SYT10: variants seen among roughly 807,000 people sequenced by gnomAD.
SYT10 encodes the protein synaptotagmin 10, also known as synaptotagmin-10.
In SYT10, 31 loss-of-function variants were observed where a neutral mutation model predicts 51.1. The ratio of observed to expected loss-of-function variants is 0.61; its 90% confidence interval spans 0.46 to 0.82. The LOEUF (loss-of-function observed/expected upper bound fraction) is 0.82, where lower values mean the gene tolerates loss of function less well. SYT10 is among the 40% of genes least tolerant of loss of function. SYT10 has a pLI of 0.00. For missense variants in SYT10, 603 were observed against 634.0 expected (o/e 0.95, Z 0.53); for synonymous variants, 233 against 225.9 (o/e 1.03, Z -0.28).
chr12:33,420,539 C>T (rs114147116), intron 2 of SYT10, among the ~76,000 whole-genome samples: 1,625 of 151,948 alleles, frequency 0.011, 33 homozygotes, highest in African/African-American at 0.035. Context: ...GTAGTCCTGG[C>T]AACTTGGGAG....
At chr12:33,387,740 C>G (rs1463361866) in intron 3 of SYT10, among the ~76,000 whole-genome samples, 1 of 135,578 alleles carries the variant, frequency 7.4e-6, no homozygotes, top group Non-Finnish European at 1.5e-5. Flanking sequence ...TCTCTTCCTT[C>G]TAACATGTTT....
rs907374942 is a variant in SYT10 at position 33,374,978 on chromosome 12, T to TTCA, written c.*1851_*1852insTGA. 6.6e-6 allele frequency: 1 copy of TTCA among 152,048 alleles called. No homozygotes were observed. Among genetic ancestry groups the TTCA allele is most frequent in the African/African-American group, 2.4e-5 (1 of 41,440 alleles). The allele number at this position is 152,048 out of a possible 1,614,324, so 9.4% of individuals were successfully genotyped here. A position where few individuals can be genotyped will look rare whatever the true frequency, so the allele number is the denominator to read the frequency against. Reference sequence around the variant, plus strand: ...CAAAAATGTCATTCTATTAATAGTATAACTTTTTGTCTTCCTATTTGAAAA... The same window carrying TTCA: ...CAAAAATGTCATTCTATTAATAGTATTCAAACTTTTTGTCTTCCTATTTGAAAA... On this transcript the variant is annotated 3_prime_UTR_variant, in exon 7 of 7. Transcript: ENST00000228567.
chr12:33,393,254 C>G (rs878861551), intron 3 of SYT10, among the ~76,000 whole-genome samples: 1 of 152,000 alleles, frequency 6.6e-6, no homozygotes, highest in Admixed American at 6.5e-5. Context: ...CAACTTGAGA[C>G]ACAAAAAAAG....
chr12:33,409,748 C>T (rs115794194), intron 2 of SYT10, among the ~76,000 whole-genome samples: 136 of 152,182 alleles, frequency 8.9e-4, no homozygotes, highest in African/African-American at 3.2e-3. Flanking sequence ...ATCTCCTGAT[C>T]TCAAAGAAGA....
Position 33,406,927 on chromosome 12 carries a change from T to G in SYT10, c.939A>C (p.Lys313Asn). 1 of 1,614,020 alleles carries G rather than the reference T, an allele frequency of 6.2e-7. No homozygotes were observed. Among genetic ancestry groups the G allele is most frequent in the South Asian group, 1.1e-5 (1 of 91,076 alleles). Residue 313 changes from lysine (K) to asparagine (N), a missense_variant, in exon 3 of 7, where the codon AAA (lysine) becomes AAC (asparagine). Physicochemically the swap from Lys to Asn is moderately conservative, Grantham distance 94. Transcript: ENST00000228567. Reference sequence around the variant, plus strand: ...CAAAATCATACACACTGAAATGTAGTTTTCGGTTGCTTAGTTGATCATATG... The same window carrying G: ...CAAAATCATACACACTGAAATGTAGGTTTCGGTTGCTTAGTTGATCATATG... ...PVAYDQLSNR[K>N]LHFSVYDFDR...
At chr12:33,377,407 G>A (rs1866072643) in intron 6 of SYT10, among the ~76,000 whole-genome samples, 1 of 151,012 alleles carries the variant, frequency 6.6e-6, no homozygotes, top group African/African-American at 2.4e-5. Context: ...AGTGAGGGAA[G>A]ATTTCTAGGA....
chr12:33,380,875 A>G (rs1189257160), intron 5 of SYT10, among the ~76,000 whole-genome samples: 1 of 152,150 alleles, frequency 6.6e-6, no homozygotes, highest in Non-Finnish European at 1.5e-5. Context: ...ATCTCCAAAG[A>G]TACTTTTGAG....
At chr12:33,416,376 CCCGGCCCACA>C (rs1184590760) in intron 2 of SYT10, among the ~76,000 whole-genome samples, 1 of 152,132 alleles carries the variant, frequency 6.6e-6, no homozygotes, top group African/African-American at 2.4e-5. Flanking sequence ...AGCCACCACG[CCCGGCCCACA>C]CCATTCTCTT....
In SYT10 at chr12:33,385,305, C is replaced by T. The variant is rs371821070; in HGVS notation, c.1078-14G>A. 4.4e-5 allele frequency: 71 copies of T among 1,611,352 alleles called. No individual in the cohort carries two copies. Among genetic ancestry groups the T allele is most frequent in the African/African-American group, 3.3e-4 (25 of 74,904 alleles). ...GTCTATACTTTCCTAGAAAGGCAAT[C>T]GGCATGTTAGCAATTTCAAACATTG... On this transcript the variant is annotated splice_polypyrimidine_tract_variant and intron_variant, in intron 3 of 6. Transcript: ENST00000228567.
At chr12:33,438,441 G>A (rs1333123879) in intron 1 of SYT10, among the ~76,000 whole-genome samples, 4 of 152,192 alleles carry the variant, frequency 2.6e-5, no homozygotes, top group Non-Finnish European at 5.9e-5. Context: ...GTGCGCCCGA[G>A]GAGCACAGCA....
chr12:33,390,298 C>A (rs528676483), intron 3 of SYT10, among the ~76,000 whole-genome samples: 21 of 152,264 alleles, frequency 1.4e-4, no homozygotes, highest in African/African-American at 5.1e-4. Context: ...ATCCTCAAGG[C>A]TGAGCGTATC....
At chr12:33,377,258 T>C (rs1388357534) in intron 6 of SYT10, among the ~76,000 whole-genome samples, 1 of 152,112 alleles carries the variant, frequency 6.6e-6, no homozygotes, top group East Asian at 1.9e-4. Context: ...CTGCAACCTC[T>C]GCCTCCTGGG....
chr12:33,412,712 G>A (rs959244447), intron 2 of SYT10, among the ~76,000 whole-genome samples: 1 of 152,096 alleles, frequency 6.6e-6, no homozygotes, highest in Non-Finnish European at 1.5e-5. Flanking sequence ...ACCAAAGGTA[G>A]ATAAAACCAC....
At chr12:33,417,957 TAAAA>T (rs1323346236) in intron 2 of SYT10, among the ~76,000 whole-genome samples, 1 of 152,190 alleles carries the variant, frequency 6.6e-6, no homozygotes, top group African/African-American at 2.4e-5. Flanking sequence ...GATGTAAAGT[TAAAA>T]GAACTTGCTA....
chr12:33,424,867 A>C (rs1354436824), intron 2 of SYT10, among the ~76,000 whole-genome samples: 1 of 152,070 alleles, frequency 6.6e-6, no homozygotes, highest in Non-Finnish European at 1.5e-5. Context: ...AAACTTGTCA[A>C]AATAAACACA....
chr12:33,416,586 C>A (rs1411588624), intron 2 of SYT10, among the ~76,000 whole-genome samples: 1 of 152,114 alleles, frequency 6.6e-6, no homozygotes, highest in African/African-American at 2.4e-5. Flanking sequence ...TTTCTTCCAA[C>A]CCTTTGGCCT....
Position 33,380,106 on chromosome 12 carries a change from C to A in SYT10, c.1371-145G>T, listed in dbSNP as rs12322746. On this transcript the variant is annotated intron_variant, in intron 5 of 6. Transcript: ENST00000228567. ...TATGCTACTTCAGACCGAATGAAAT[C>A]TCTTAAGTAAATCAACATTTACTAA... is the stretch of plus-strand genomic sequence containing the variant. 2.3e-3 allele frequency: 1,871 copies of A among 817,770 alleles called. 33 individuals carry two copies. In the African/African-American group the frequency reaches 0.029, roughly 13 times the overall value. 50.7% of individuals were successfully genotyped at this position (817,770 alleles called of 1,614,324 possible). A position where few individuals can be genotyped will look rare whatever the true frequency, so the allele number is the denominator to read the frequency against.
chr12:33,423,710 C>T (rs1377982921), intron 2 of SYT10, among the ~76,000 whole-genome samples: 1 of 152,078 alleles, frequency 6.6e-6, no homozygotes, highest in Non-Finnish European at 1.5e-5. Context: ...TTCAAACTAC[C>T]TGTCCTAAGC....
chr12:33,422,103 TAAAA>T (rs954955112), intron 2 of SYT10, among the ~76,000 whole-genome samples: 2 of 149,394 alleles, frequency 1.3e-5, no homozygotes, highest in African/African-American at 4.9e-5. Context: ...AAAAAAAACT[TAAAA>T]AAAAAGCAAT....
Sources: gnomAD v4.1 joint callset for allele counts (sites outside exome capture counted in the v4.1 genomes callset) on GRCh38, gnomAD v4.1.1 for gene constraint, MANE v1.5 for transcripts, NCBI Gene and HGNC (gene_info 2026-07-23, HGNC 2026-07-21) for gene names.